PARD3B: variants seen among roughly 807,000 people sequenced by gnomAD.
The protein encoded by PARD3B is partitioning defective 3 homolog B.
Under a neutral mutation model 130.2 loss-of-function variants are expected in PARD3B, and 103 were observed. That is an observed-to-expected ratio of 0.79 (90% CI 0.67 to 0.93). The LOEUF is 0.93. Among genes scored for constraint, PARD3B ranks in the 40% least tolerant of loss-of-function variants. The pLI, the probability that PARD3B is intolerant of heterozygous loss-of-function variation, is 0.00. For missense variants in PARD3B, 1,609 were observed against 1,499.2 expected (o/e 1.07, Z -1.21); for synonymous variants, 583 against 553.2 (o/e 1.05, Z -0.76).
chr2:204,636,974 C>T (rs2034902850), intron 1 of PARD3B, among the ~76,000 whole-genome samples: 1 of 152,106 alleles, frequency 6.6e-6, no homozygotes, highest in African/African-American at 2.4e-5. Flanking sequence ...GAGTTAAAAT[C>T]ATTGTTATTC....
rs1395435488 is a variant in PARD3B, at chr2:205,244,313, C to T, written c.2141-1465C>T. On this transcript the variant is annotated intron_variant, in intron 15 of 22. Coordinates refer to ENST00000406610, the MANE Select transcript of PARD3B (RefSeq NM_001302769.2). The surrounding 1 kb of genome is among the most constrained non-coding windows in gnomAD (Gnocchi z 4.7). ...TTCTTCTTGTTAGCAAATTTCCCCT[C>T]GCCTTGCTTCAACCCTTGAGACCAC... 3.9e-5 allele frequency among the ~76,000 whole-genome samples: 6 copies of T among 152,138 alleles called. No homozygotes were observed. Among genetic ancestry groups the T allele is most frequent in the East Asian group, 1.9e-4 (1 of 5,188 alleles).
chr2:205,398,482 T>C (rs2046116349), intron 18 of PARD3B, among the ~76,000 whole-genome samples: 1 of 151,938 alleles, frequency 6.6e-6, no homozygotes, highest in African/African-American at 2.4e-5. Flanking sequence ...GAGCTGACAG[T>C]TGGTTCGCCA....
chr2:204,772,628 G>A (rs1369141380), intron 2 of PARD3B, among the ~76,000 whole-genome samples: 1 of 152,144 alleles, frequency 6.6e-6, no homozygotes, highest in Non-Finnish European at 1.5e-5. Context: ...CAAGGAAGCA[G>A]TAACAGATAG....
At chr2:205,070,862 G>C (rs956501039) in intron 4 of PARD3B, among the ~76,000 whole-genome samples, 2 of 152,040 alleles carry the variant, frequency 1.3e-5, no homozygotes, top group African/African-American at 4.8e-5. Flanking sequence ...ATTTCATTAA[G>C]TTTTGCAGTG....
At chr2:205,400,955 C>A in intron 18 of PARD3B, 58 bp from the exon 19 acceptor site, 1 of 1,273,990 alleles carries the variant, frequency 7.8e-7, no homozygotes, top group Non-Finnish European at 1.1e-6. Context: ...AATATCTTAG[C>A]TCTACCGCAA....
chr2:205,236,217 A>G (rs2125903320), intron 15 of PARD3B, among the ~76,000 whole-genome samples: 1 of 152,358 alleles, frequency 6.6e-6, no homozygotes, highest in South Asian at 2.1e-4. Flanking sequence ...CTCACACAGG[A>G]AACTCCAGGT....
intron 21 of PARD3B, among the ~76,000 whole-genome samples, chr2:205,527,381 G>A (rs2106418498): frequency 6.6e-6 from 1 of 152,260 alleles, no homozygotes; most frequent in East Asian, 1.9e-4. Context: ...TAAAAATTCT[G>A]TGGTACGTGA....
chr2:204,935,249 G>GC (rs1688331872), intron 2 of PARD3B, among the ~76,000 whole-genome samples: 5 of 150,788 alleles, frequency 3.3e-5, no homozygotes, highest in South Asian at 2.1e-4. Context: ...CAAAAAATAG[G>GC]CTGTGCGCAG....
At chr2:205,344,355 C>A (rs913163329) in intron 18 of PARD3B, among the ~76,000 whole-genome samples, 12 of 151,852 alleles carry the variant, frequency 7.9e-5, no homozygotes. Flanking sequence ...ACTAGTGACA[C>A]CCTGAAGAGA....
At chr2:204,956,434 A>G (rs1690242725) in intron 2 of PARD3B, among the ~76,000 whole-genome samples, 1 of 152,188 alleles carries the variant, frequency 6.6e-6, no homozygotes, top group Admixed American at 6.5e-5. Context: ...TGTTGGATAT[A>G]CTTGCTTCAA....
chr2:205,020,227 T>C (rs1696491625), intron 3 of PARD3B, among the ~76,000 whole-genome samples: 1 of 152,156 alleles, frequency 6.6e-6, no homozygotes, highest in African/African-American at 2.4e-5. Flanking sequence ...CTCTCTGACC[T>C]CTTGGACGAT....
intron 2 of PARD3B, among the ~76,000 whole-genome samples, chr2:204,747,335 C>T (rs1386895983): frequency 1.3e-5 from 2 of 152,014 alleles, no homozygotes; most frequent in African/African-American, 4.8e-5. Context: ...TTCACAATTG[C>T]TTCAAAGAGA....
chr2:205,331,276 C>CACACACAG (rs886517982), intron 18 of PARD3B, among the ~76,000 whole-genome samples: 3 of 151,432 alleles, frequency 2.0e-5, no homozygotes, highest in African/African-American at 7.3e-5. Flanking sequence ...CACACACACA[C>CACACACAG]ACACACACAC....
intron 2 of PARD3B, among the ~76,000 whole-genome samples, chr2:204,928,593 A>G (rs1462512915): frequency 6.6e-6 from 1 of 152,090 alleles, no homozygotes; most frequent in African/African-American, 2.4e-5. Context: ...TAAAGAAAAC[A>G]TTGCTCCTGG....
At chr2:204,708,203 T>C (rs964690510) in intron 2 of PARD3B, among the ~76,000 whole-genome samples, 1 of 152,062 alleles carries the variant, frequency 6.6e-6, no homozygotes, top group African/African-American at 2.4e-5. Context: ...AGAGACAGAG[T>C]CTCACCATGT....
At chr2:205,332,082 G>T (rs982450756) in intron 18 of PARD3B, among the ~76,000 whole-genome samples, 2 of 152,068 alleles carry the variant, frequency 1.3e-5, no homozygotes, top group African/African-American at 2.4e-5. Flanking sequence ...TCTAGCCAGG[G>T]TGACAGTGCC....
intron 21 of PARD3B, among the ~76,000 whole-genome samples, chr2:205,523,233 A>G (rs2051167946): frequency 6.9e-6 from 1 of 144,578 alleles, no homozygotes; most frequent in African/African-American, 2.6e-5. Flanking sequence ...GTGTATATAT[A>G]TATATATATT....
chr2:205,336,620 A>G (rs1390906463), intron 18 of PARD3B, among the ~76,000 whole-genome samples: 1 of 152,216 alleles, frequency 6.6e-6, no homozygotes, highest in African/African-American at 2.4e-5. Context: ...TCATGGCCCA[A>G]ACATTTGCTA....
At chr2:204,756,214 A>C (rs896477294) in intron 2 of PARD3B, among the ~76,000 whole-genome samples, 2 of 152,148 alleles carry the variant, frequency 1.3e-5, no homozygotes, top group African/African-American at 4.8e-5. Context: ...GAAATATGGA[A>C]TAAAAACATC....
Sources: allele counts gnomAD v4.1 joint callset (sites outside exome capture counted in the v4.1 genomes callset), GRCh38; gene constraint gnomAD v4.1.1; non-coding constraint Gnocchi (gnomAD v3.1); transcripts MANE v1.5; gene names NCBI Gene and HGNC (gene_info 2026-07-23, HGNC 2026-07-21).